G6PD: variants seen among roughly 807,000 people sequenced by gnomAD.
G6PD encodes glucose-6-phosphate 1-dehydrogenase.
In G6PD, 2 loss-of-function variants were observed where a neutral mutation model predicts 38.2. The observed-to-expected ratio is 0.05, with a 90% confidence interval of 0.02 to 0.16. G6PD has a LOEUF of 0.16. Among genes scored for constraint, G6PD ranks in the 10% least tolerant of loss-of-function variants. The pLI, the probability that G6PD is intolerant of heterozygous loss-of-function variation, is 1.00. For missense variants in G6PD, 310 were observed against 471.6 expected (o/e 0.66, Z 3.17); for synonymous variants, 188 against 196.0 (o/e 0.96, Z 0.34).
chrX:154,534,014 G>C (rs1275351753), intron 7 of G6PD, 21 bp downstream of exon 7: 2 of 1,209,612 alleles, frequency 1.7e-6, no homozygotes, highest in African/African-American at 1.7e-5. Flanking sequence ...CAGCCTCCCA[G>C]GAGAGAGGAA....
At chrX:154,536,295 T>C (rs1335540842) in intron 2 of G6PD, 117 bp from the exon 3 acceptor site, 2 of 681,504 alleles carry the variant, frequency 2.9e-6, no homozygotes, top group African/African-American at 4.3e-5. Flanking sequence ...GCCACAAGCA[T>C]GTCTGTCTTG....
intron 3 of G6PD, 27 bp from the exon 4 acceptor site, chrX:154,536,072 G>C (rs782511611): frequency 8.3e-7 from 1 of 1,204,684 alleles, no homozygotes; most frequent in East Asian, 3.0e-5. Flanking sequence ...GCTGTAACCA[G>C]TGCGGGCAGG....
intron 2 of G6PD, among the ~76,000 whole-genome samples, chrX:154,538,421 G>GA (rs1279424336): frequency 8.9e-6 from 1 of 111,946 alleles, no homozygotes; most frequent in Non-Finnish European, 1.9e-5. Flanking sequence ...GATATTAACA[G>GA]AAAAAAATCA....
At chrX:154,532,305 G>A in intron 11 of G6PD, 25 bp from the exon 12 acceptor site, 1 of 1,210,362 alleles carries the variant, frequency 8.3e-7, no homozygotes, top group Non-Finnish European at 1.1e-6. Flanking sequence ...TATGGCTTGG[G>A]AGGCCGGTGG....
rs80280508 is a variant in G6PD at position 154,532,795 on chromosome X, G to A, written c.1059C>T (p.Pro353=). ...YVENERWDGV[P]FILRCGKALN... ...GGGCCTTGCCGCAGCGCAGGATGAA[G>A]GGCACCCCTACGTGGCGGAAAGGGC... The change falls in exon 10 of 13, where the codon CCC becomes CCT. Residue 353 remains proline, a synonymous_variant. Transcript: ENST00000393562. 2.5e-6 allele frequency: 3 copies of A among 1,206,931 alleles called. No individual in the cohort carries two copies. Among genetic ancestry groups the A allele is most frequent in the Non-Finnish European group, 3.4e-6 (3 of 893,440 alleles).
chrX:154,542,569 G>C, intron 2 of G6PD: 1 of 953,707 alleles, frequency 1.0e-6, no homozygotes, highest in Non-Finnish European at 1.4e-6. Flanking sequence ...GGGTGTGTGG[G>C]CAAGTGTGAG....
chrX:154,545,041 G>A (rs1046722049), intron 2 of G6PD, among the ~76,000 whole-genome samples: 1 of 111,907 alleles, frequency 8.9e-6, no homozygotes, highest in East Asian at 2.8e-4. Flanking sequence ...CTGAGACCAC[G>A]TGTAATTTGA....
chrX:154,533,855 C>T (rs781795489), intron 7 of G6PD, 180 bp downstream of exon 7: 225 of 1,190,933 alleles, frequency 1.9e-4, no homozygotes, highest in Non-Finnish European at 2.5e-4. Context: ...ATCATAAAAC[C>T]GTGGGGTGCT....
chrX:154,537,776 G>T (rs1167521562), intron 2 of G6PD, among the ~76,000 whole-genome samples: 1 of 111,966 alleles, frequency 8.9e-6, no homozygotes, highest in Non-Finnish European at 1.9e-5. Context: ...GCAGAAGGAA[G>T]AAAGGGGAAC....
rs782786750 is a variant in G6PD at position 154,532,564 on chromosome X, C to G, written c.1287+3G>C. On this transcript the variant is annotated splice_donor_region_variant and intron_variant, in intron 10 of 12. Transcript: ENST00000393562. The stretch of plus-strand genomic sequence containing the variant: ...TCCACACTGCTCCTTCTCTGTAGGG[C>G]ACCTTGTATCTGTTGCCGTAGGTCA... 5.9e-5 allele frequency: 71 copies of G among 1,210,202 alleles called. No homozygotes were observed. Among genetic ancestry groups the G allele is most frequent in the Admixed American group, 1.5e-4 (7 of 45,961 alleles).
Position 154,546,801 on chromosome X carries a change from G to T in G6PD, c.-21C>A, listed in dbSNP as rs1183700048. On this transcript the variant is annotated 5_prime_UTR_variant, in exon 1 of 13. Coordinates refer to ENST00000393562, the MANE Select transcript of G6PD (RefSeq NM_001360016.2). ...CCCGGCCGGTTACCTGCGCTTCGTC[G>T]TCGTCGCCCTCCGCGCTCGCAGCCC... 2.6e-6 allele frequency: 3 copies of T among 1,160,277 alleles called. No individual in the cohort carries two copies. The highest frequency in any genetic ancestry group is 2.3e-6 in the Non-Finnish European group (2 of 872,169).
At chrX:154,539,799 T>TGAAATCTCC (rs2070458095) in intron 2 of G6PD, among the ~76,000 whole-genome samples, 1 of 110,334 alleles carries the variant, frequency 9.1e-6, no homozygotes, top group Non-Finnish European at 1.9e-5. Flanking sequence ...CTTGGCTCAC[T>TGAAATCTCC]GAAATCTCCA....
At chrX:154,547,535 C>T (rs1407852065), upstream of G6PD, 1 of 754,954 alleles carries the variant, frequency 1.3e-6, no homozygotes, top group Admixed American at 8.5e-5. Flanking sequence ...GCGGCCCTAC[C>T]GCGGCCTCAC....
chrX:154,533,013 G>A lies in G6PD; in HGVS notation c.980C>T (p.Thr327Met). The A allele has an allele frequency of 4.1e-6, 5 of 1,212,107 alleles. No individual in the cohort carries two copies. The highest frequency in any genetic ancestry group is 1.7e-5 in the African/African-American group (1 of 57,994). Residue 327 changes from threonine to methionine, a missense_variant, in exon 9 of 13, where the codon ACG (threonine) becomes ATG (methionine). Coordinates refer to ENST00000393562, the MANE Select transcript of G6PD (RefSeq NM_001360016.2). ...EATKGYLDDP[T>M]VPRGSTTATF... is the part of the protein sequence containing the mutation. ...GGCGGTGGTGGACCCGCGGGGCACC[G>A]TGGGGTCGTCCAGGTACCCTTTGGT...
rs199970830 is a variant in G6PD, at chrX:154,533,144, G to C, written c.865-16C>G. Reference sequence around the variant, plus strand: ...ACACCTTGACCTGAGAGAAAGCCAAGGGAGAGAATGGGCTCCTTGGGTGTT... The same window carrying C: ...ACACCTTGACCTGAGAGAAAGCCAACGGAGAGAATGGGCTCCTTGGGTGTT... On this transcript the variant is annotated splice_polypyrimidine_tract_variant and intron_variant, in intron 8 of 12. Transcript: ENST00000393562. The C allele has an allele frequency of 8.3e-7, 1 of 1,205,488 alleles. No homozygotes were observed. The highest frequency in any genetic ancestry group is 1.8e-5 in the South Asian group (1 of 56,855).
At chrX:154,547,252 C>A, upstream of G6PD, 1 of 668,053 alleles carries the variant, frequency 1.5e-6, no homozygotes, top group Non-Finnish European at 1.8e-6. Flanking sequence ...CTGGGCTGTC[C>A]CTCGGCTCCT....
intron 5 of G6PD, 27 bp from the exon 6 acceptor site, chrX:154,534,523 C>G (rs2070383513): frequency 8.3e-7 from 1 of 1,207,287 alleles, no homozygotes. Flanking sequence ...GCTGCGTTAC[C>G]CCCTTGAACC....
At chrX:154,543,600 T>C (rs1213581927) in intron 2 of G6PD, among the ~76,000 whole-genome samples, 1 of 112,138 alleles carries the variant, frequency 8.9e-6, no homozygotes, top group African/African-American at 3.2e-5. Context: ...CAACCTCAGT[T>C]ACCTTCTCCT....
At chrX:154,541,761 C>T (rs2070513101) in intron 2 of G6PD, among the ~76,000 whole-genome samples, 1 of 112,725 alleles carries the variant, frequency 8.9e-6, no homozygotes, top group Non-Finnish European at 1.9e-5. Context: ...TGATGAAGAT[C>T]TCTAGCCACC....
Sources: allele counts gnomAD v4.1 joint callset (sites outside exome capture counted in the v4.1 genomes callset), GRCh38; gene constraint gnomAD v4.1.1; transcripts MANE v1.5; gene names NCBI Gene and HGNC (gene_info 2026-07-23, HGNC 2026-07-21).